Variants in SLC12A2 observed in about 807,000 individuals in gnomAD.
SLC12A2 encodes the protein solute carrier family 12 member 2, also known as Na-K-2Cl cotransporter 1.
SLC12A2 carries 67 observed loss-of-function variants against 136.3 expected under a neutral mutation model. The ratio of observed to expected loss-of-function variants is 0.49; its 90% CI spans 0.40 to 0.60. The LOEUF (loss-of-function observed/expected upper bound fraction) is 0.60. Ranked by LOEUF, SLC12A2 falls within the 20% of genes least tolerant of loss-of-function variation. The pLI is 0.00. For missense variants in SLC12A2, 1,322 were observed against 1,534.7 expected (o/e 0.86, Z 2.32); for synonymous variants, 619 against 562.9 (o/e 1.10, Z -1.41).
intron 16 of SLC12A2, among the ~76,000 whole-genome samples, chr5:128,160,249 G>T (rs984876569): frequency 2.0e-5 from 3 of 152,166 alleles, no homozygotes; most frequent in African/African-American, 7.2e-5. Flanking sequence ...GAGGTGGGGG[G>T]GCTCGGGGAG....
intron 17 of SLC12A2, among the ~76,000 whole-genome samples, chr5:128,166,211 C>CTATTTA: frequency 1.3e-5 from 2 of 151,860 alleles, no homozygotes; most frequent in Middle Eastern, 6.8e-3. Flanking sequence ...ACAAATAATC[C>CTATTTA]TATGTGTGAC....
chr5:128,139,119 A>G (rs1345050823), intron 9 of SLC12A2, among the ~76,000 whole-genome samples: 2 of 152,168 alleles, frequency 1.3e-5, no homozygotes, highest in Non-Finnish European at 2.9e-5. Context: ...GCTTTATGGT[A>G]TCTCCAGGAT....
intron 10 of SLC12A2, among the ~76,000 whole-genome samples, chr5:128,147,388 C>T (rs1762560775): frequency 6.6e-6 from 1 of 151,676 alleles, no homozygotes; most frequent in Admixed American, 6.6e-5. Context: ...TTACACTCTT[C>T]TCTCTGCCAT....
At chr5:128,111,485 G>C (rs1581070797) in intron 1 of SLC12A2, among the ~76,000 whole-genome samples, 1 of 152,194 alleles carries the variant, frequency 6.6e-6, no homozygotes, top group East Asian at 1.9e-4. Flanking sequence ...ATATATATAG[G>C]CTGGGCACGG....
chr5:128,168,859 G>A (rs1231428183), intron 18 of SLC12A2: 1 of 152,160 alleles, frequency 6.6e-6, no homozygotes, highest in Admixed American at 6.6e-5. Flanking sequence ...TTCCTAACAA[G>A]CCTGGCTCAT....
At chr5:128,123,307 G>A (rs17697290) in intron 4 of SLC12A2, among the ~76,000 whole-genome samples, 21,971 of 151,986 alleles carry the variant, frequency 0.14, 1,851 homozygotes, top group East Asian at 0.25. Context: ...GAGAAAATTT[G>A]CCAAACATTA....
chr5:128,185,265 G>A (rs928660877), intron 26 of SLC12A2, among the ~76,000 whole-genome samples: 1 of 152,172 alleles, frequency 6.6e-6, no homozygotes, highest in Non-Finnish European at 1.5e-5. Context: ...AACTTGAATA[G>A]TGATTCCTAT....
intron 12 of SLC12A2, among the ~76,000 whole-genome samples, chr5:128,149,633 A>G (rs529168850): frequency 3.0e-4 from 46 of 152,038 alleles, no homozygotes; most frequent in African/African-American, 1.1e-3. Context: ...ATAAATGTAA[A>G]AGATCAAATT....
chr5:128,175,281 A>T (rs1298617305), intron 20 of SLC12A2, among the ~76,000 whole-genome samples: 1 of 152,016 alleles, frequency 6.6e-6, no homozygotes. Flanking sequence ...TATCTCTTCT[A>T]TATTATTTAG....
intron 26 of SLC12A2, among the ~76,000 whole-genome samples, chr5:128,185,917 T>C (rs1763851359): frequency 6.6e-6 from 1 of 152,106 alleles, no homozygotes; most frequent in African/African-American, 2.4e-5. Flanking sequence ...AAGATTATAA[T>C]ACCATATGTT....
At chr5:128,090,909 A>G (rs956389816) in intron 1 of SLC12A2, among the ~76,000 whole-genome samples, 1 of 152,186 alleles carries the variant, frequency 6.6e-6, no homozygotes, top group Non-Finnish European at 1.5e-5. Context: ...GATCATGATA[A>G]AGACTTAGGA....
rs1016846925 is a variant in SLC12A2, at chr5:128,188,754, AT to A, written c.*2126del. 13 of 136,744 alleles carry A rather than the reference AT, an allele frequency of 9.5e-5. No individual in the cohort carries two copies. The highest frequency in any genetic ancestry group is 4.6e-4 in the South Asian group (2 of 4,312). 8.5% of individuals were successfully genotyped at this position (136,744 alleles called of 1,614,324 possible). ...TTTTCTAAAAAAAAAAAAAAAAAAA[AT>A]TTCTACATTATAACTCACAGCATTG... On this transcript the variant is annotated 3_prime_UTR_variant, in exon 27 of 27. Transcript: ENST00000262461.
chr5:128,153,730 T>C (rs1762783943), intron 15 of SLC12A2, among the ~76,000 whole-genome samples: 1 of 152,136 alleles, frequency 6.6e-6, no homozygotes, highest in South Asian at 2.1e-4. Flanking sequence ...CCCTGAAACG[T>C]AGATAAATGT....
At chr5:128,110,910 A>G (rs1228383673) in intron 1 of SLC12A2, 8 of 1,016,144 alleles carry the variant, frequency 7.9e-6, no homozygotes, top group Non-Finnish European at 7.9e-6. Flanking sequence ...CGCAAATCTG[A>G]GAGGGCATGA....
intron 22 of SLC12A2, among the ~76,000 whole-genome samples, chr5:128,180,112 G>T (rs1763661237): frequency 6.6e-6 from 1 of 151,236 alleles, no homozygotes; most frequent in South Asian, 2.1e-4. Context: ...TGGGACTACA[G>T]GCACCTGCCA....
At chr5:128,169,493 A>G (rs895417369) in intron 18 of SLC12A2, 1 of 152,212 alleles carries the variant, frequency 6.6e-6, no homozygotes, top group African/African-American at 2.4e-5. Context: ...TTAGTAATAT[A>G]TATGATAAAC....
intron 4 of SLC12A2, among the ~76,000 whole-genome samples, chr5:128,128,339 T>G (rs1390624446): frequency 6.6e-6 from 1 of 152,156 alleles, no homozygotes; most frequent in African/African-American, 2.4e-5. Context: ...AACTCAGTAT[T>G]GTCACTACTT....
At chr5:128,114,852 A>C (rs552325237) in intron 4 of SLC12A2, among the ~76,000 whole-genome samples, 171 bp downstream of exon 4, 1 of 152,222 alleles carries the variant, frequency 6.6e-6, no homozygotes, top group African/African-American at 2.4e-5. Flanking sequence ...GTAAAATTTT[A>C]TGTCAACTCA....
chr5:128,101,621 C>T (rs996922421), intron 1 of SLC12A2, among the ~76,000 whole-genome samples: 6 of 152,148 alleles, frequency 3.9e-5, no homozygotes, highest in Non-Finnish European at 5.9e-5. Context: ...CTGTCATTAA[C>T]CATTATTTAA....
Sources: allele counts gnomAD v4.1 joint callset (sites outside exome capture counted in the v4.1 genomes callset), GRCh38; gene constraint gnomAD v4.1.1; transcripts MANE v1.5; gene names NCBI Gene and HGNC (gene_info 2026-07-23, HGNC 2026-07-21).